MEIG1: variants seen among roughly 807,000 people sequenced by gnomAD.
MEIG1 encodes meiosis/spermiogenesis associated 1, also known as meiosis expressed gene 1 protein homolog.
In MEIG1, 12 loss-of-function variants were observed where a neutral mutation model predicts 11.3. The observed-to-expected ratio is 1.07, with a 90% CI of 0.68 to 1.73. The LOEUF (loss-of-function observed/expected upper bound fraction) is 1.73, where lower values mean the gene tolerates loss of function less well. Among genes scored for constraint, MEIG1 ranks in the 40% most tolerant of loss-of-function variants. The pLI is 0.00. For missense variants in MEIG1, 119 were observed against 104.9 expected (o/e 1.13, Z -0.59); for synonymous variants, 41 against 33.2 (o/e 1.24, Z -0.81).
intron 1 of MEIG1, among the ~76,000 whole-genome samples, chr10:14,959,970 T>A (rs975075429): frequency 6.6e-6 from 1 of 152,216 alleles, no homozygotes; most frequent in African/African-American, 2.4e-5. Flanking sequence ...GCAGGTTAGC[T>A]GTGAGGGCCG....
chr10:14,954,381 C>G, the MEIG1 span: 2 of 364,514 alleles, frequency 5.5e-6, no homozygotes, highest in South Asian at 5.0e-5. Flanking sequence ...TGGCCCCAGC[C>G]GACGAGGTGA....
chr10:14,958,889 C>A (rs1353175191), upstream of MEIG1, among the ~76,000 whole-genome samples: 9 of 151,774 alleles, frequency 5.9e-5, no homozygotes, highest in Non-Finnish European at 1.3e-4. Context: ...GAGCGAGACT[C>A]CGTCTAAAAA....
At chr10:14,975,472 C>A (rs1843200033), downstream of MEIG1, among the ~76,000 whole-genome samples, 1 of 152,010 alleles carries the variant, frequency 6.6e-6, no homozygotes. Flanking sequence ...GTTAATATTA[C>A]TCCCAATATC....
At chr10:14,962,203 T>C (rs576503637) in intron 1 of MEIG1, among the ~76,000 whole-genome samples, 1 of 152,336 alleles carries the variant, frequency 6.6e-6, no homozygotes, top group South Asian at 2.1e-4. Context: ...GAACTGCCAC[T>C]GAATTTCCTA....
In MEIG1 at chr10:14,982,804, T is replaced by TA. The variant is rs1421100312; in HGVS notation, n.67-3990dup. On this transcript the variant is annotated intron_variant and non_coding_transcript_variant, in intron 1 of 2. Transcript: ENST00000467536. Reference sequence around the variant, plus strand: ...ATATAATTCTTAAAATCAATACAGATAATAATGAAAATTCATATTAAAGAG... The same window carrying TA: ...ATATAATTCTTAAAATCAATACAGATAAATAATGAAAATTCATATTAAAGAG... Among the ~76,000 whole-genome samples, 5 of 152,178 alleles carry TA rather than the reference T, an allele frequency of 3.3e-5. No individual in the cohort carries two copies. In the East Asian group the frequency reaches 9.6e-4, roughly 29 times the overall value.
At chr10:14,970,882 G>C (rs1843140718) in intron 2 of MEIG1, among the ~76,000 whole-genome samples, 1 of 152,134 alleles carries the variant, frequency 6.6e-6, no homozygotes, top group Non-Finnish European at 1.5e-5. Context: ...GTGTTGAAGA[G>C]CAGGATTTGG....
At chr10:14,973,687 G>GT (rs562871403), downstream of MEIG1, among the ~76,000 whole-genome samples, 3,830 of 142,926 alleles carry the variant, frequency 0.027, 74 homozygotes, top group Non-Finnish European at 0.041. Flanking sequence ...GGAGAATGGT[G>GT]TGAACCCAGG....
chr10:14,986,495 A>T (rs534578364), intron 1 of MEIG1, among the ~76,000 whole-genome samples: 1 of 152,332 alleles, frequency 6.6e-6, no homozygotes, highest in Non-Finnish European at 1.5e-5. Flanking sequence ...GAACTCACTT[A>T]TTCCATCTTT....
upstream of MEIG1, chr10:14,954,570 GAACTA>G (rs1311969089): frequency 5.0e-6 from 1 of 199,320 alleles, no homozygotes; most frequent in African/African-American, 2.3e-5. Context: ...GTAGATTCAG[GAACTA>G]TTAATTCCCT....
intron 1 of MEIG1, among the ~76,000 whole-genome samples, chr10:14,962,489 C>G (rs1206983275): frequency 6.6e-6 from 1 of 152,114 alleles, no homozygotes; most frequent in Non-Finnish European, 1.5e-5. Flanking sequence ...CCCCCAAAGT[C>G]CAATTGAATA....
chr10:14,965,842 C>G (rs6602773), intron 1 of MEIG1, among the ~76,000 whole-genome samples: 97,353 of 151,892 alleles, frequency 0.64, 31,503 homozygotes, highest in Admixed American at 0.69. Context: ...TAGAACATCA[C>G]TCCGTAACTC....
chr10:14,965,699 AGAGAGAGAGAGAGAGAGG>A (rs796490903), intron 1 of MEIG1, among the ~76,000 whole-genome samples: 41 of 98,902 alleles, frequency 4.1e-4, no homozygotes, highest in Admixed American at 4.7e-4. Flanking sequence ...AGAGAGAGAG[AGAGAGAGAGAGAGAGAGG>A]TGCAGCTTTG....
intron 2 of MEIG1, among the ~76,000 whole-genome samples, chr10:14,971,744 C>A (rs1206756835): frequency 1.3e-5 from 2 of 152,156 alleles, no homozygotes; most frequent in Admixed American, 1.3e-4. Flanking sequence ...TGTTTAAAAT[C>A]TTTTGTAAAC....
At chr10:14,972,415 G>A (rs564690735) in intron 2 of MEIG1, 98 bp from the exon 3 acceptor site, 3 of 1,477,924 alleles carry the variant, frequency 2.0e-6, no homozygotes, top group Non-Finnish European at 2.8e-6. Context: ...CTTATACTTT[G>A]TTTCTGTAAG....
At chr10:14,972,032 C>T (rs549051530) in intron 2 of MEIG1, among the ~76,000 whole-genome samples, 41 of 147,628 alleles carry the variant, frequency 2.8e-4, no homozygotes, top group African/African-American at 1.0e-3. Flanking sequence ...TTTTTTTTTC[C>T]GAGGCAGGGT....
At chr10:14,980,709 A>C (rs1010296685) in intron 1 of MEIG1, among the ~76,000 whole-genome samples, 9 of 152,146 alleles carry the variant, frequency 5.9e-5, no homozygotes, top group Non-Finnish European at 4.4e-5. Context: ...GTCTCGAGCC[A>C]ACGCCTCACC....
At chr10:14,988,045 T>G (rs1057362704) in exon 3 of MEIG1, 6 of 152,450 alleles carry the variant, frequency 3.9e-5, no homozygotes, top group African/African-American at 1.4e-4. Context: ...CATGCACACT[T>G]AAAAATGGGA....
At chr10:14,978,628 C>T (rs575734683) in intron 1 of MEIG1, among the ~76,000 whole-genome samples, 16 of 151,998 alleles carry the variant, frequency 1.1e-4, no homozygotes, top group Non-Finnish European at 1.8e-4. Context: ...GGGTTGTGTT[C>T]GCTGCGATAG....
At chr10:14,967,229 A>T (rs1399930338) in intron 2 of MEIG1, among the ~76,000 whole-genome samples, 1 of 152,144 alleles carries the variant, frequency 6.6e-6, no homozygotes, top group East Asian at 1.9e-4. Context: ...TCATTATCAG[A>T]TAATCAGTAT....
Sources: gnomAD v4.1 joint callset for allele counts (sites outside exome capture counted in the v4.1 genomes callset) on GRCh38, gnomAD v4.1.1 for gene constraint, MANE v1.5 for transcripts, NCBI Gene and HGNC (gene_info 2026-07-23, HGNC 2026-07-21) for gene names.